DGKB: variants seen among roughly 807,000 people sequenced by gnomAD.
The protein encoded by DGKB is diacylglycerol kinase beta, also known as 90 kDa diacylglycerol kinase.
In DGKB, 67 loss-of-function variants were observed where a neutral mutation model predicts 114.3. The ratio of observed to expected loss-of-function variants is 0.59; its 90% CI spans 0.48 to 0.72. The LOEUF is 0.72. DGKB is among the 30% of genes least tolerant of loss of function. The probability of loss-of-function intolerance (pLI) is 0.00; values close to 1 mark genes in which losing one functional copy is unlikely to be tolerated. For missense variants in DGKB, 907 were observed against 975.2 expected, an observed-to-expected ratio of 0.93 and a Z score of 0.93; for synonymous variants, 398 against 323.1, an observed-to-expected ratio of 1.23 and a Z score of -2.49.
At chr7:14,365,785 A>C (rs887192844) in intron 21 of DGKB, among the ~76,000 whole-genome samples, 1 of 152,100 alleles carries the variant, frequency 6.6e-6, no homozygotes, top group Non-Finnish European at 1.5e-5. Context: ...CTGTAAAAAA[A>C]TATAATTAGC....
chr7:14,263,189 C>G (rs1003339137), intron 23 of DGKB, among the ~76,000 whole-genome samples: 2 of 152,132 alleles, frequency 1.3e-5, no homozygotes, highest in African/African-American at 2.4e-5. Context: ...AAACCGTTTT[C>G]TATGTGCCCG....
intron 20 of DGKB, among the ~76,000 whole-genome samples, chr7:14,566,955 C>T (rs1797478040): frequency 6.7e-6 from 1 of 149,644 alleles, no homozygotes; most frequent in Non-Finnish European, 1.5e-5. Context: ...TGTTTTCTTT[C>T]ACAGCATTTA....
chr7:14,768,133 C>T (rs1048457474), intron 2 of DGKB, among the ~76,000 whole-genome samples: 1 of 151,870 alleles, frequency 6.6e-6, no homozygotes, highest in African/African-American at 2.4e-5. Context: ...TTTTAAAGAA[C>T]ATAAAACTCC....
intron 1 of DGKB, among the ~76,000 whole-genome samples, chr7:14,867,709 T>A (rs1450751828): frequency 6.6e-6 from 1 of 152,196 alleles, no homozygotes; most frequent in Non-Finnish European, 1.5e-5. Context: ...TAATATATCG[T>A]AAAACTAATT....
intron 20 of DGKB, among the ~76,000 whole-genome samples, chr7:14,543,853 AG>A (rs1253156222): frequency 1.3e-5 from 2 of 152,186 alleles, no homozygotes; most frequent in African/African-American, 2.4e-5. Flanking sequence ...CATACACCAC[AG>A]GGATTTCAAA....
intron 1 of DGKB, among the ~76,000 whole-genome samples, chr7:14,934,635 G>A (rs1383544781): frequency 6.6e-6 from 1 of 152,018 alleles, no homozygotes; most frequent in Non-Finnish European, 1.5e-5. Flanking sequence ...ACCAATCTTT[G>A]TTTGGTTTAT....
intron 2 of DGKB, among the ~76,000 whole-genome samples, chr7:14,785,899 T>C (rs538561530): frequency 3.3e-5 from 5 of 152,188 alleles, no homozygotes; most frequent in South Asian, 4.1e-4. Flanking sequence ...TTTTCTTTTT[T>C]TTTTTTTGCA....
intron 23 of DGKB, among the ~76,000 whole-genome samples, chr7:14,210,259 G>C (rs776676072): frequency 1.3e-5 from 2 of 152,020 alleles, no homozygotes; most frequent in Non-Finnish European, 2.9e-5. Flanking sequence ...GCAAGAAGCA[G>C]CAATGCCTCC....
intron 23 of DGKB, among the ~76,000 whole-genome samples, chr7:14,180,042 A>G (rs970858370): frequency 1.3e-5 from 2 of 152,148 alleles, no homozygotes; most frequent in Non-Finnish European, 2.9e-5. Context: ...TCTTAGATAT[A>G]TGTCAACCAG....
rs561475440 is a variant in DGKB, at chr7:14,672,713, C to T, written c.1134+216G>A. ...TAAGTGATAAAACCTGAGTCAGCGT[C>T]ATTTCAAGCATATCGTTCTAGAAAG... On this transcript the variant is annotated intron_variant, in intron 13 of 25. Transcript: ENST00000402815. 3.0e-4 allele frequency among the ~76,000 whole-genome samples: 46 copies of T among 152,192 alleles called. No individual in the cohort carries two copies. The East Asian group carries it at 4.8e-3, about 16-fold the overall frequency.
intron 2 of DGKB, among the ~76,000 whole-genome samples, chr7:14,829,749 C>T (rs1250622863): frequency 1.3e-5 from 2 of 151,988 alleles, no homozygotes; most frequent in African/African-American, 4.8e-5. Flanking sequence ...TTATGGCAGC[C>T]AATAGGAGAA....
chr7:14,310,743 C>A (rs1805257868), intron 23 of DGKB, among the ~76,000 whole-genome samples: 1 of 152,206 alleles, frequency 6.6e-6, no homozygotes, highest in Non-Finnish European at 1.5e-5. Context: ...TTTTCCCAGT[C>A]CTTTTCCAAC....
chr7:14,512,092 TA>T (rs901597828), intron 20 of DGKB, among the ~76,000 whole-genome samples: 2 of 152,148 alleles, frequency 1.3e-5, no homozygotes, highest in African/African-American at 4.8e-5. Flanking sequence ...CACATGCATT[TA>T]AAAAAATGGT....
intron 23 of DGKB, among the ~76,000 whole-genome samples, chr7:14,262,481 T>A (rs537253757): frequency 6.6e-6 from 1 of 152,166 alleles, no homozygotes; most frequent in Non-Finnish European, 1.5e-5. Context: ...TCTTCAGACA[T>A]TGAATCTGCC....
At position 14,892,639 on chromosome 7, in the gene DGKB, T is replaced by A. The variant is rs560801553; in HGVS notation, c.-188+9953A>T. Among the ~76,000 whole-genome samples, 19 of 151,352 alleles carry A rather than the reference T, an allele frequency of 1.3e-4. No individual in the cohort carries two copies. In the South Asian group the frequency reaches 3.9e-3, roughly 31 times the overall value. The stretch of plus-strand genomic sequence containing the variant: ...TGCCCCCACAATACAACCTAGATCA[T>A]AGTACATGACTCTGGTCCAAAACCT... On this transcript the variant is annotated intron_variant, in intron 1 of 25. Coordinates refer to ENST00000402815, the MANE Select transcript of DGKB (RefSeq NM_001350709.2).
At chr7:14,926,857 C>G (rs1354338807) in intron 1 of DGKB, among the ~76,000 whole-genome samples, 1 of 151,660 alleles carries the variant, frequency 6.6e-6, no homozygotes, top group East Asian at 1.9e-4. Flanking sequence ...TAAAATTTAC[C>G]ATGGAAATCC....
At chr7:14,315,856 A>T (rs1321034234) in intron 23 of DGKB, among the ~76,000 whole-genome samples, 6 of 150,342 alleles carry the variant, frequency 4.0e-5, no homozygotes, top group African/African-American at 1.5e-4. Context: ...CACCACACCT[A>T]TTCCAAAATT....
At chr7:14,467,925 C>T (rs1021361310) in intron 21 of DGKB, among the ~76,000 whole-genome samples, 1 of 151,994 alleles carries the variant, frequency 6.6e-6, no homozygotes, top group African/African-American at 2.4e-5. Flanking sequence ...GCCAGGCTTA[C>T]CTTCTACTTA....
At chr7:14,347,548 A>G (rs1323421359) in intron 21 of DGKB, among the ~76,000 whole-genome samples, 2 of 152,014 alleles carry the variant, frequency 1.3e-5, no homozygotes, top group Non-Finnish European at 2.9e-5. Context: ...GATCTCACTT[A>G]TATGCAGAAT....
Sources: gnomAD v4.1 joint callset for allele counts (sites outside exome capture counted in the v4.1 genomes callset) on GRCh38, gnomAD v4.1.1 for gene constraint, MANE v1.5 for transcripts, NCBI Gene and HGNC (gene_info 2026-07-23, HGNC 2026-07-21) for gene names.